The following SEC23IP variants were observed in gnomAD, a reference collection of about 807,000 sequenced individuals.
The protein encoded by SEC23IP is SEC23 interacting protein, also known as SEC23-interacting protein.
A neutral mutation model predicts 113.4 loss-of-function variants in SEC23IP; 70 were observed. The ratio of observed to expected loss-of-function variants is 0.62; its 90% CI spans 0.51 to 0.75. The LOEUF (loss-of-function observed/expected upper bound fraction) is 0.75, where lower values mean the gene tolerates loss of function less well. SEC23IP is among the 30% of genes least tolerant of loss of function. The pLI, the probability that SEC23IP is intolerant of heterozygous loss-of-function variation, is 0.00. For missense variants in SEC23IP, 1,160 were observed against 1,204.9 expected (o/e 0.96, Z 0.55); for synonymous variants, 398 against 421.0 (o/e 0.95, Z 0.67).
chr10:119,892,881 C>T lies in SEC23IP; in HGVS notation c.99C>T (p.Phe33=). 1.9e-6 allele frequency: 3 copies of T among 1,613,934 alleles called. No individual in the cohort carries two copies. The highest frequency in any genetic ancestry group is 2.5e-6 in the Non-Finnish European group (3 of 1,179,900). ...CCTCCTCGGCCACGGAGTTCAGCTT[C>T]AATGTGCCCTTCATCCCAGTCACCC... ...LFSSSATEFS[F]NVPFIPVTQA... is the part of the protein sequence containing the mutation. Residue 33 remains phenylalanine (F), a synonymous_variant, in exon 1 of 19, where the codon TTC becomes TTT. Transcript: ENST00000369075.
At chr10:119,906,002 G>A (rs1438097735) in intron 4 of SEC23IP, among the ~76,000 whole-genome samples, 2 of 152,028 alleles carry the variant, frequency 1.3e-5, no homozygotes, top group East Asian at 1.9e-4. Context: ...TAGGCTGGGC[G>A]TGGTGGCTCC....
rs766984858 is a variant in SEC23IP at position 119,914,833 on chromosome 10, A to G, written c.1402+14A>G. The G allele has an allele frequency of 3.1e-6, 5 of 1,607,420 alleles. No individual in the cohort carries two copies. The East Asian group carries it at 6.7e-5, about 22-fold the overall frequency. ...TTATTGAGTGTGGTAAGTGTTGGGT[A>G]TATTGTATTTCATGGGATGATCTGA... On this transcript the variant is annotated intron_variant, in intron 7 of 18. Coordinates refer to ENST00000369075, the MANE Select transcript of SEC23IP (RefSeq NM_007190.4).
At position 119,940,646 on chromosome 10, in the gene SEC23IP, G is replaced by A. The variant is rs1855937907; in HGVS notation, c.*81G>A. ...TCCATTGCTGAGAAAATCCTCAGAG[G>A]ACTTTCCCACTTCGCTCCTGTGATG... On this transcript the variant is annotated 3_prime_UTR_variant, in exon 19 of 19. Coordinates refer to ENST00000369075, the MANE Select transcript of SEC23IP (RefSeq NM_007190.4). 6.6e-6 allele frequency: 1 copy of A among 151,806 alleles called. No individual in the cohort carries two copies. Among genetic ancestry groups the A allele is most frequent in the South Asian group, 2.1e-4 (1 of 4,810 alleles). 9.4% of individuals were successfully genotyped at this position (151,806 alleles called of 1,614,324 possible). A position where few individuals can be genotyped will look rare whatever the true frequency, so the allele number is the denominator to read the frequency against.
In SEC23IP at chr10:119,933,116, T is replaced by C. The variant is rs866731930; in HGVS notation, c.2870T>C (p.Ile957Thr). The C allele has an allele frequency of 1.4e-5, 22 of 1,613,810 alleles. No individual in the cohort carries two copies. In the Admixed American group the frequency reaches 3.3e-4, roughly 24 times the overall value. ...RIDYVLQEKP[I>T]ESFNEYLFAL... ...GACTACGTTCTCCAAGAAAAACCAA[T>C]AGAGAGTTTTAATGAATACCTTTTC... Residue 957 changes from isoleucine to threonine, a missense_variant, in exon 17 of 19, where the codon ATA becomes ACA. Transcript: ENST00000369075.
In SEC23IP at chr10:119,926,132, T is replaced by A; in HGVS notation, c.2218T>A (p.Ser740Thr). 1 of 1,614,040 alleles carries A rather than the reference T, an allele frequency of 6.2e-7. No individual in the cohort carries two copies. Among genetic ancestry groups the A allele is most frequent in the Non-Finnish European group, 8.5e-7 (1 of 1,179,980 alleles). The change falls in exon 13 of 19, where the codon TCA becomes ACA. Residue 740 changes from serine (S) to threonine (T), a missense_variant. Ser to Thr is a moderately conservative substitution (Grantham distance 58). Transcript: ENST00000369075. The stretch of plus-strand genomic sequence containing the variant: ...GACTAAAGACATGGCTTCCCTCCCC[T>A]CAGAATCCAATGAGCCAAAGAGGAA... Reference protein sequence around the residue: ...QKTKDMASLPSESNEPKRKLP... With the variant: ...QKTKDMASLPTESNEPKRKLP...
Position 119,898,903 on chromosome 10 carries a change from C to T in SEC23IP, c.640C>T (p.Pro214Ser), listed in dbSNP as rs1564904370. 3.1e-6 allele frequency: 5 copies of T among 1,603,322 alleles called. No homozygotes were observed. Among genetic ancestry groups the T allele is most frequent in the Non-Finnish European group, 4.2e-6 (5 of 1,179,626 alleles). ...CQTPGPPAHP[P>S]PSGPPVQMYQ... ...AACACCAGGCCCTCCTGCTCATCCT[C>T]CACCTTCTGGACCCCCTGTTCAGAT... The change falls in exon 2 of 19, where the codon CCA (proline) becomes TCA (serine). Residue 214 changes from proline to serine, a missense_variant. Pro to Ser is a moderately conservative substitution (Grantham distance 74, BLOSUM62 -1). Transcript: ENST00000369075.
chr10:119,927,118 G>A (rs909373758), intron 13 of SEC23IP, among the ~76,000 whole-genome samples: 3 of 152,002 alleles, frequency 2.0e-5, no homozygotes, highest in East Asian at 1.9e-4. Flanking sequence ...GGTTAGCCTC[G>A]AACTCCTGGC....
intron 12 of SEC23IP, among the ~76,000 whole-genome samples, chr10:119,921,834 TC>T (rs1393702808): frequency 6.6e-6 from 1 of 152,220 alleles, no homozygotes; most frequent in Non-Finnish European, 1.5e-5. Flanking sequence ...TCTTTGATGA[TC>T]CTTCCATCTT....
chr10:119,904,107 G>A lies in SEC23IP; in HGVS notation c.931G>A (p.Val311Ile), dbSNP rs114941955. 1.5e-5 allele frequency: 24 copies of A among 1,614,234 alleles called. No individual in the cohort carries two copies. The African/African-American group carries it at 2.1e-4, about 14-fold the overall frequency. Residue 311 changes from valine to isoleucine, a missense_variant, in exon 4 of 19, where the codon GTT becomes ATT. Val to Ile is a conservative substitution (Grantham distance 29). Coordinates refer to ENST00000369075, the MANE Select transcript of SEC23IP (RefSeq NM_007190.4). ...NSVQPDPESV[V>I]LGTDGGRYDV... ...AGTTCAGCCAGATCCGGAGAGCGTGGTTCTTGGCACGGATGGAGGGCGCTA... is the reference window on the plus strand; with the variant it reads ...AGTTCAGCCAGATCCGGAGAGCGTGATTCTTGGCACGGATGGAGGGCGCTA...
intron 8 of SEC23IP, among the ~76,000 whole-genome samples, chr10:119,917,087 T>G (rs917348763): frequency 6.6e-6 from 1 of 152,198 alleles, no homozygotes; most frequent in African/African-American, 2.4e-5. Flanking sequence ...CAAGCTGGTC[T>G]TGATCTCCCG....
At chr10:119,933,594 G>T in intron 17 of SEC23IP, 92 bp from the exon 18 acceptor site, 1 of 710,888 alleles carries the variant, frequency 1.4e-6, no homozygotes, top group South Asian at 1.7e-5. Flanking sequence ...AGATAGAGTT[G>T]AATAGAATAG....
chr10:119,917,772 T>TA lies in SEC23IP; in HGVS notation c.1545-57dup, dbSNP rs566457358. 22 of 1,305,608 alleles carry TA rather than the reference T, an allele frequency of 1.7e-5. No homozygotes were observed. In the African/African-American group the frequency reaches 2.1e-4, roughly 12 times the overall value. 80.9% of individuals were successfully genotyped at this position (1,305,608 alleles called of 1,614,324 possible). ...TTTCAGGAGTCAAAAATCTAAACTTTAAAAAAATCTGTAAATTTAAGGTAG... is the reference window on the plus strand; with the variant it reads ...TTTCAGGAGTCAAAAATCTAAACTTTAAAAAAAATCTGTAAATTTAAGGTAG... On this transcript the variant is annotated intron_variant, in intron 8 of 18. Coordinates refer to ENST00000369075, the MANE Select transcript of SEC23IP (RefSeq NM_007190.4).
chr10:119,920,966 A>C lies in SEC23IP; in HGVS notation c.2103A>C (p.Glu701Asp). The change falls in exon 12 of 19, where the codon GAA (glutamate) becomes GAC (aspartate). Residue 701 changes from glutamate to aspartate, a missense_variant. Coordinates refer to ENST00000369075, the MANE Select transcript of SEC23IP (RefSeq NM_007190.4). ...GAAAGAAGATAGCTAACTTTGTAGA[A>C]CATAAAGCAGCCAAACTGGTAAAGT... is the stretch of plus-strand genomic sequence containing the variant. ...GPRKKIANFVEHKAAKLKKAA... is the reference protein window; with the variant it reads ...GPRKKIANFVDHKAAKLKKAA... The C allele has an allele frequency of 6.2e-7, 1 of 1,613,438 alleles. No homozygotes were observed. Among genetic ancestry groups the C allele is most frequent in the Non-Finnish European group, 8.5e-7 (1 of 1,179,446 alleles).
intron 2 of SEC23IP, among the ~76,000 whole-genome samples, chr10:119,899,396 G>T (rs1854403469): frequency 6.6e-6 from 1 of 152,206 alleles, no homozygotes; most frequent in South Asian, 2.1e-4. Flanking sequence ...ATCTAGATCA[G>T]TCAAACTCTA....
At chr10:119,899,713 G>C (rs1854414913) in intron 2 of SEC23IP, among the ~76,000 whole-genome samples, 1 of 152,118 alleles carries the variant, frequency 6.6e-6, no homozygotes, top group Non-Finnish European at 1.5e-5. Context: ...AAAGTAACCA[G>C]ATTCATAGCA....
intron 2 of SEC23IP, among the ~76,000 whole-genome samples, chr10:119,900,307 A>G (rs1054145291): frequency 6.6e-6 from 1 of 150,928 alleles, no homozygotes; most frequent in African/African-American, 2.4e-5. Context: ...GTATATATAT[A>G]TATATAAAAT....
Position 119,904,133 on chromosome 10 carries a change from C to CAAGA in SEC23IP, c.957_958insAAGA (p.Asp320LysfsTer7). On this transcript the variant is annotated frameshift_variant, in exon 4 of 19. Transcript: ENST00000369075. LOFTEE classifies it high-confidence loss of function. ...TTCTTGGCACGGATGGAGGGCGCTA[C>CAAGA]GATGTTTACCTCTATGACCGAATAA... The CAAGA allele has an allele frequency of 6.2e-7, 1 of 1,614,186 alleles. No homozygotes were observed. The highest frequency in any genetic ancestry group is 8.5e-7 in the Non-Finnish European group (1 of 1,180,032).
intron 18 of SEC23IP, 77 bp downstream of exon 18, chr10:119,933,864 T>C (rs1855689902): frequency 5.8e-6 from 4 of 693,612 alleles, no homozygotes; most frequent in Non-Finnish European, 9.3e-6. Flanking sequence ...TGATGTTGAC[T>C]GATTTTGCTT....
intron 8 of SEC23IP, among the ~76,000 whole-genome samples, chr10:119,916,964 G>A (rs552933435): frequency 6.6e-6 from 1 of 152,072 alleles, no homozygotes; most frequent in Admixed American, 6.6e-5. Context: ...GGCCTCCTGG[G>A]CTCAAGTGAT....
Sources: gnomAD v4.1 joint callset for allele counts (sites outside exome capture counted in the v4.1 genomes callset) on GRCh38, gnomAD v4.1.1 for gene constraint, MANE v1.5 for transcripts, NCBI Gene and HGNC (gene_info 2026-07-23, HGNC 2026-07-21) for gene names.